ATP1A3: variants seen among roughly 807,000 people sequenced by gnomAD.
ATP1A3 encodes ATPase Na+/K+ transporting subunit alpha 3.
A neutral mutation model predicts 108.8 loss-of-function variants in ATP1A3; 12 were observed. The observed-to-expected ratio is 0.11, with a 90% CI of 0.07 to 0.18. ATP1A3 has a LOEUF of 0.18. Among genes scored for constraint, ATP1A3 ranks in the 10% least tolerant of loss-of-function variants. ATP1A3 has a pLI of 1.00. For missense variants in ATP1A3, 498 were observed against 1,387.7 expected, an observed-to-expected ratio of 0.36 and a Z score of 10.19; for synonymous variants, 539 against 564.5, an observed-to-expected ratio of 0.95 and a Z score of 0.64.
Position 41,970,440 on chromosome 19 carries a change from G to A in ATP1A3, c.2366C>T (p.Pro789Leu), listed in dbSNP as rs2145948059. ...GATGGTGATGGTGCCCAGGGGCAGC[G>A]GGATGTTGGCCATGATGAACAGCAG... ...PFLLFIMANIPLPLGTITILC... is the reference protein window; with the variant it reads ...PFLLFIMANILLPLGTITILC... Residue 789 changes from proline (P) to leucine (L), a missense_variant, in exon 17 of 23, where the codon CCG (proline) becomes CTG (leucine). Physicochemically the swap from Pro to Leu is moderately conservative, Grantham distance 98. Around this residue, in one of 9 missense-constraint regions of ATP1A3, gnomAD observed 121 missense variants for 425.1 expected, o/e 0.28. Coordinates refer to ENST00000648268, the MANE Select transcript of ATP1A3 (RefSeq NM_152296.5). 1.9e-6 allele frequency: 3 copies of A among 1,614,080 alleles called. No individual in the cohort carries two copies. The highest frequency in any genetic ancestry group is 2.5e-6 in the Non-Finnish European group (3 of 1,180,020).
At chr19:41,970,923 C>T (rs145441061) in intron 16 of ATP1A3, among the ~76,000 whole-genome samples, 2,082 of 151,890 alleles carry the variant, frequency 0.014, 20 homozygotes, top group Non-Finnish European at 0.019. Flanking sequence ...TGAGCCACCG[C>T]GCCCGGCCTG....
At position 41,978,400 on chromosome 19, in the gene ATP1A3, A is replaced by G; in HGVS notation, c.1631-74T>C. ...CCGCCCCATGCCCCTAGATGTCTGCATCGCCCGCATTCCATCTCCCCATCA... is the reference window on the plus strand; with the variant it reads ...CCGCCCCATGCCCCTAGATGTCTGCGTCGCCCGCATTCCATCTCCCCATCA... On this transcript the variant is annotated intron_variant, in intron 12 of 22. Transcript: ENST00000648268. The surrounding 1 kb of genome is among the most constrained non-coding windows in gnomAD (Gnocchi z 8.3). The G allele has an allele frequency of 6.6e-7, 1 of 1,526,526 alleles. No homozygotes were observed. The highest frequency in any genetic ancestry group is 8.9e-7 in the Non-Finnish European group (1 of 1,128,762). 94.6% of individuals were successfully genotyped at this position (1,526,526 alleles called of 1,614,324 possible). A position where few individuals can be genotyped will look rare whatever the true frequency, so the allele number is the denominator to read the frequency against.
At position 41,988,403 on chromosome 19, in the gene ATP1A3, C is replaced by T. The variant is rs374345908; in HGVS notation, c.94-26G>A. The T allele has an allele frequency of 1.9e-5, 30 of 1,614,024 alleles. No individual in the cohort carries two copies. The highest frequency in any genetic ancestry group is 1.6e-4 in the Middle Eastern group (1 of 6,084). ...CTGAGGAACAGGAGTTTGGGGGAGA[C>T]GGTGAGTGCCTAGGCCAGCCAAGAA... On this transcript the variant is annotated intron_variant, in intron 2 of 22. Transcript: ENST00000648268. The surrounding 1 kb of genome is among the most constrained non-coding windows in gnomAD (Gnocchi z 5.3).
chr19:41,987,155 A>G (rs1348580617), intron 4 of ATP1A3, among the ~76,000 whole-genome samples: 8 of 151,866 alleles, frequency 5.3e-5, no homozygotes, highest in African/African-American at 1.9e-4. Context: ...TACATTCTAC[A>G]AGGCAGCTTC....
In ATP1A3 at chr19:41,968,013, G is replaced by A. The variant is rs924142698; in HGVS notation, c.2820-250C>T. 1.5e-5 allele frequency among the ~76,000 whole-genome samples: 2 copies of A among 134,304 alleles called. No individual in the cohort carries two copies. The highest frequency in any genetic ancestry group is 2.4e-4 in the South Asian group (1 of 4,128). The allele number at this position is 134,304 out of a possible 152,430, so 88.1% of individuals were successfully genotyped here. A position where few individuals can be genotyped will look rare whatever the true frequency, so the allele number is the denominator to read the frequency against. On this transcript the variant is annotated intron_variant, in intron 20 of 22. Coordinates refer to ENST00000648268, the MANE Select transcript of ATP1A3 (RefSeq NM_152296.5). The surrounding 1 kb of genome is among the most constrained non-coding windows in gnomAD (Gnocchi z 5.0). ...AGGGACAGACACAGAGACAGGGACA[G>A]ACACAGAGACAGACAGGGACAGACA...
At position 41,968,737 on chromosome 19, in the gene ATP1A3, C is replaced by A. The variant is rs1276756467; in HGVS notation, c.2819+48G>T. On this transcript the variant is annotated intron_variant, in intron 20 of 22. Transcript: ENST00000648268. This position sits in a 1 kb window ranked among gnomAD's most constrained non-coding sequence, Gnocchi z 5.0. ...GGAAGTACACAGACAGACAGACACT[C>A]GGACAGGACAGATGGCTGTCCAGTC... 1.2e-6 allele frequency: 2 copies of A among 1,611,702 alleles called. No homozygotes were observed. Among genetic ancestry groups the A allele is most frequent in the South Asian group, 1.1e-5 (1 of 91,038 alleles).
chr19:41,979,871 T>C (rs1381013292), intron 11 of ATP1A3, among the ~76,000 whole-genome samples: 1 of 152,234 alleles, frequency 6.6e-6, no homozygotes, highest in African/African-American at 2.4e-5. Context: ...AATAAAGTTA[T>C]TTTAAAAGCT....
intron 18 of ATP1A3, 28 bp from the exon 19 acceptor site, chr19:41,969,608 A>G: frequency 6.2e-7 from 1 of 1,612,410 alleles, no homozygotes; most frequent in South Asian, 1.1e-5. Flanking sequence ...GAAGCCGAGG[A>G]GAGGCTCAGA....
At chr19:41,976,269 A>C in intron 15 of ATP1A3, 147 bp downstream of exon 15, 1 of 1,071,968 alleles carries the variant, frequency 9.3e-7, no homozygotes, top group Non-Finnish European at 1.3e-6. Context: ...CAGACCCAGG[A>C]GTCCAGGCCC....
chr19:41,969,622 G>C (rs1316461387), intron 18 of ATP1A3, 42 bp from the exon 19 acceptor site: 1 of 1,611,284 alleles, frequency 6.2e-7, no homozygotes, highest in Non-Finnish European at 8.5e-7. Context: ...GCTCAGATTG[G>C]GGCCAGCAGC....
At chr19:41,983,428 G>T (rs2075254555) in intron 8 of ATP1A3, among the ~76,000 whole-genome samples, 1 of 151,912 alleles carries the variant, frequency 6.6e-6, no homozygotes, top group African/African-American at 2.4e-5. Context: ...TGAAAGAGGA[G>T]AATGGTATTT....
intron 1 of ATP1A3, chr19:41,990,940 A>G (rs1271696547): frequency 6.6e-6 from 1 of 152,244 alleles, no homozygotes; most frequent in Non-Finnish European, 1.5e-5. Context: ...TCTCTCTGGG[A>G]TCTTCCATGT....
At chr19:41,980,018 C>CT (rs1165139843) in intron 11 of ATP1A3, among the ~76,000 whole-genome samples, 4 of 152,250 alleles carry the variant, frequency 2.6e-5, no homozygotes, top group African/African-American at 9.6e-5. Context: ...ACCACGCTCC[C>CT]TGGCTCCCAG....
At chr19:41,973,626 C>T (rs1182391989) in intron 16 of ATP1A3, among the ~76,000 whole-genome samples, 4 of 152,164 alleles carry the variant, frequency 2.6e-5, no homozygotes, top group African/African-American at 9.7e-5. Context: ...CTGGGCAGGA[C>T]CCTCACTATT....
chr19:41,973,137 G>A (rs1353376029), intron 16 of ATP1A3, among the ~76,000 whole-genome samples: 4 of 152,220 alleles, frequency 2.6e-5, no homozygotes, highest in African/African-American at 9.6e-5. Context: ...AGGTGGTGGG[G>A]AAGAAACAAG....
At position 41,967,913 on chromosome 19, in the gene ATP1A3, A is replaced by T. The variant is rs1446153024; in HGVS notation, c.2820-150T>A. The stretch of plus-strand genomic sequence containing the variant: ...GGCAGAGACATAGGGAGAGACAGAG[A>T]TGGGGAGACATGCCCCGACAGAGAG... On this transcript the variant is annotated intron_variant, in intron 20 of 22. Transcript: ENST00000648268. The surrounding 1 kb of genome is among the most constrained non-coding windows in gnomAD (Gnocchi z 4.2). 4.1e-6 allele frequency: 3 copies of T among 724,888 alleles called. No individual in the cohort carries two copies. In the Admixed American group the frequency reaches 6.1e-5, roughly 15 times the overall value. 44.9% of individuals were successfully genotyped at this position (724,888 alleles called of 1,614,324 possible). A position where few individuals can be genotyped will look rare whatever the true frequency, so the allele number is the denominator to read the frequency against.
chr19:41,986,383 A>C lies in ATP1A3; in HGVS notation c.358-154T>G, dbSNP rs560440636. The C allele has an allele frequency of 1.7e-4, 108 of 651,256 alleles. 1 individual carries two copies. In the South Asian group the frequency reaches 1.9e-3, roughly 11 times the overall value. The allele number at this position is 651,256 out of a possible 1,614,324, so 40.3% of individuals were successfully genotyped here. ...TTGGTTATGAGGGTTGGTGTGTCTG[A>C]GTCTCCCCTGTTTGTGCTTGAGTCC... On this transcript the variant is annotated intron_variant, in intron 4 of 22. Coordinates refer to ENST00000648268, the MANE Select transcript of ATP1A3 (RefSeq NM_152296.5).
chr19:41,982,639 A>T (rs75513663), intron 8 of ATP1A3, among the ~76,000 whole-genome samples: 1 of 151,946 alleles, frequency 6.6e-6, no homozygotes, highest in African/African-American at 2.4e-5. Flanking sequence ...AAAAAAAAAA[A>T]TTGTCCAAAA....
chr19:41,988,235 CCCT>C lies in ATP1A3; in HGVS notation c.153+80_153+82del. ...CAGAACTTAAGACACCAGCCACAGC[CCCT>C]CCTCCCTCAGACCCAGGGGTCCTAG... On this transcript the variant is annotated intron_variant, in intron 3 of 22. Coordinates refer to ENST00000648268, the MANE Select transcript of ATP1A3 (RefSeq NM_152296.5). This position sits in a 1 kb window ranked among gnomAD's most constrained non-coding sequence, Gnocchi z 5.3. The C allele has an allele frequency of 6.2e-7, 1 of 1,612,136 alleles. No homozygotes were observed. The highest frequency in any genetic ancestry group is 8.5e-7 in the Non-Finnish European group (1 of 1,178,276).
Sources: allele counts gnomAD v4.1 joint callset (sites outside exome capture counted in the v4.1 genomes callset), GRCh38; gene constraint gnomAD v4.1.1; regional missense constraint gnomAD v4.1.1; non-coding constraint Gnocchi (gnomAD v3.1); transcripts MANE v1.5; gene names NCBI Gene and HGNC (gene_info 2026-07-23, HGNC 2026-07-21).